Variants in WWOX observed in about 807,000 individuals in gnomAD.
WWOX encodes the protein WW domain containing oxidoreductase.
In WWOX, 69 loss-of-function variants were observed where a neutral mutation model predicts 46.2. The ratio of observed to expected loss-of-function variants is 1.49; its 90% CI spans 1.23 to 1.82. WWOX has a LOEUF of 1.82. WWOX is among the 40% of genes most tolerant of loss of function. The probability of loss-of-function intolerance (pLI) is 0.00; values close to 1 mark genes in which losing one functional copy is unlikely to be tolerated. For missense variants in WWOX, 919 were observed against 542.6 expected (o/e 1.69, Z -6.89); for synonymous variants, 359 against 202.6 (o/e 1.77, Z -6.56).
At chr16:78,790,616 A>G (rs1392438611) in intron 8 of WWOX, among the ~76,000 whole-genome samples, 1 of 152,230 alleles carries the variant, frequency 6.6e-6, no homozygotes, top group African/African-American at 2.4e-5. Context: ...TCTCTCTGGC[A>G]GATTAATTTT....
At chr16:78,916,514 G>T (rs755746712) in intron 8 of WWOX, among the ~76,000 whole-genome samples, 1 of 152,192 alleles carries the variant, frequency 6.6e-6, no homozygotes, top group Non-Finnish European at 1.5e-5. Flanking sequence ...AGAATTACCA[G>T]TAGAGTGACC....
At chr16:78,120,008 A>G (rs2151681658) in intron 4 of WWOX, among the ~76,000 whole-genome samples, 1 of 152,266 alleles carries the variant, frequency 6.6e-6, no homozygotes, top group South Asian at 2.1e-4. Context: ...TTTTTGAGCC[A>G]AAGGACCCAT....
At chr16:78,238,963 G>A (rs1423228967) in intron 5 of WWOX, among the ~76,000 whole-genome samples, 1 of 151,954 alleles carries the variant, frequency 6.6e-6, no homozygotes, top group Non-Finnish European at 1.5e-5. Context: ...GCCCCCAAGG[G>A]TTTGATGTGC....
At position 79,070,268 on chromosome 16, in the gene WWOX, A is replaced by ATGTGTGTGTGTGTGTGTG. The variant is rs4035490; in HGVS notation, c.1057-141318_1057-141301dup. ...GTTTGTTCTTAGGAATGTGTTTCTG[A>ATGTGTGTGTGTGTGTGTG]TGTGTGTGTGTGTGTGTGTGTGTGT... On this transcript the variant is annotated intron_variant, in intron 8 of 8. Coordinates refer to ENST00000566780, the MANE Select transcript of WWOX (RefSeq NM_016373.4). 2.4e-3 allele frequency among the ~76,000 whole-genome samples: 349 copies of ATGTGTGTGTGTGTGTGTG among 145,178 alleles called. 1 individual carries two copies. The highest frequency in any genetic ancestry group is 7.7e-3 in the African/African-American group (304 of 39,254).
At chr16:78,512,183 T>C (rs2085378536) in intron 8 of WWOX, among the ~76,000 whole-genome samples, 1 of 152,154 alleles carries the variant, frequency 6.6e-6, no homozygotes, top group African/African-American at 2.4e-5. Flanking sequence ...CTCAGAATGG[T>C]GTATTACAGA....
intron 8 of WWOX, among the ~76,000 whole-genome samples, chr16:78,855,248 C>T (rs185372127): frequency 4.8e-4 from 73 of 152,206 alleles, no homozygotes; most frequent in Middle Eastern, 3.4e-3. Context: ...TGATTAAAAA[C>T]CAAAGTACTA....
intron 8 of WWOX, among the ~76,000 whole-genome samples, chr16:78,501,028 G>A (rs1481840961): frequency 6.6e-6 from 1 of 152,114 alleles, no homozygotes; most frequent in African/African-American, 2.4e-5. Flanking sequence ...GCAGGTGGAG[G>A]AGGCTATTAT....
chr16:78,945,343 C>G (rs1476938296), intron 8 of WWOX, among the ~76,000 whole-genome samples: 1 of 152,150 alleles, frequency 6.6e-6, no homozygotes, highest in East Asian at 1.9e-4. Context: ...TGTATAATCT[C>G]AAACTTTACA....
chr16:79,013,351 G>C (rs555507739), intron 8 of WWOX, among the ~76,000 whole-genome samples: 1 of 152,340 alleles, frequency 6.6e-6, no homozygotes, highest in South Asian at 2.1e-4. Flanking sequence ...ACAGGGATGT[G>C]TCTGACCCCA....
chr16:78,520,306 T>G (rs2151497429), intron 8 of WWOX, among the ~76,000 whole-genome samples: 1 of 152,280 alleles, frequency 6.6e-6, no homozygotes, highest in South Asian at 2.1e-4. Context: ...TTTTTAGATG[T>G]AAAAGTGGAT....
At chr16:78,739,967 A>C (rs995479809) in intron 8 of WWOX, among the ~76,000 whole-genome samples, 2 of 152,104 alleles carry the variant, frequency 1.3e-5, no homozygotes, top group South Asian at 2.1e-4. Flanking sequence ...TACTCTCTCT[A>C]AATTATCTCA....
intron 8 of WWOX, among the ~76,000 whole-genome samples, chr16:78,579,881 C>G (rs2045004986): frequency 6.6e-6 from 1 of 152,084 alleles, no homozygotes; most frequent in Non-Finnish European, 1.5e-5. Context: ...TCACTGGAAC[C>G]CAAGCAAAGT....
chr16:78,576,902 A>G (rs560044120), intron 8 of WWOX, among the ~76,000 whole-genome samples: 8 of 152,274 alleles, frequency 5.3e-5, no homozygotes, highest in African/African-American at 1.7e-4. Context: ...TTTCTTTGCC[A>G]TCCCCACACT....
chr16:78,775,039 C>A (rs574753115), intron 8 of WWOX, among the ~76,000 whole-genome samples: 6 of 152,232 alleles, frequency 3.9e-5, no homozygotes, highest in African/African-American at 1.4e-4. Context: ...CATCACAGCC[C>A]TCACTCCTGA....
intron 8 of WWOX, among the ~76,000 whole-genome samples, chr16:79,000,477 G>C (rs1407821133): frequency 1.3e-5 from 2 of 152,158 alleles, no homozygotes; most frequent in Non-Finnish European, 2.9e-5. Context: ...GGAAAAGAGA[G>C]GCAGATGGGT....
intron 8 of WWOX, among the ~76,000 whole-genome samples, chr16:78,742,016 C>T (rs564320944): frequency 5.9e-5 from 9 of 152,164 alleles, no homozygotes; most frequent in Non-Finnish European, 1.2e-4. Flanking sequence ...TTCCCACCCC[C>T]TACGATGTCT....
chr16:78,668,288 C>G (rs952293675), intron 8 of WWOX, among the ~76,000 whole-genome samples: 1 of 152,070 alleles, frequency 6.6e-6, no homozygotes, highest in Admixed American at 6.6e-5. Flanking sequence ...CTCAAACAAA[C>G]AAACAAAAAA....
chr16:78,372,976 CTATTGTCTCTCAAAGACTTTTGCAGGCT>C (rs2151922939), intron 5 of WWOX, among the ~76,000 whole-genome samples: 1 of 152,200 alleles, frequency 6.6e-6, no homozygotes, highest in East Asian at 1.9e-4. Context: ...TCATAATGGG[CTATTGTCTCTCAAAGACTTTTGCAGGCT>C]TATTTTATGC....
chr16:78,258,290 G>T (rs2038183414), intron 5 of WWOX, among the ~76,000 whole-genome samples: 1 of 152,112 alleles, frequency 6.6e-6, no homozygotes, highest in Non-Finnish European at 1.5e-5. Context: ...TATATTGTTT[G>T]CTCTCCGTTT....
Sources: gnomAD v4.1 joint callset for allele counts (sites outside exome capture counted in the v4.1 genomes callset) on GRCh38, gnomAD v4.1.1 for gene constraint, MANE v1.5 for transcripts, NCBI Gene and HGNC (gene_info 2026-07-23, HGNC 2026-07-21) for gene names.